The following SLC41A2 variants were observed in gnomAD, a reference collection of about 807,000 sequenced individuals.
SLC41A2 encodes SLC41A1-like 1.
A neutral mutation model predicts 58.3 loss-of-function variants in SLC41A2; 32 were observed. That is an observed-to-expected ratio of 0.55 (90% confidence interval 0.41 to 0.74). The LOEUF (loss-of-function observed/expected upper bound fraction) is 0.74, where lower values mean the gene tolerates loss of function less well. Among genes scored for constraint, SLC41A2 ranks in the 30% least tolerant of loss-of-function variants. SLC41A2 has a pLI of 0.00. For missense variants in SLC41A2, 514 were observed against 680.6 expected (o/e 0.76, Z 2.72); for synonymous variants, 190 against 235.0 (o/e 0.81, Z 1.75).
chr12:104,898,102 A>C (rs926347909), intron 3 of SLC41A2, among the ~76,000 whole-genome samples: 1 of 152,160 alleles, frequency 6.6e-6, no homozygotes, highest in African/African-American at 2.4e-5. Flanking sequence ...TATTTAAATT[A>C]TGTATATCTT....
Position 104,889,156 on chromosome 12 carries a change from A to G in SLC41A2, c.757T>C (p.Phe253Leu), listed in dbSNP as rs904761895. 6.2e-7 allele frequency: 1 copy of G among 1,607,736 alleles called. No individual in the cohort carries two copies. Among genetic ancestry groups the G allele is most frequent in the Admixed American group, 1.7e-5 (1 of 58,058 alleles). Residue 253 changes from phenylalanine (F) to leucine (L), a missense_variant, in exon 5 of 11, where the codon TTT (phenylalanine) becomes CTT (leucine). Transcript: ENST00000258538. ...ATAATTGCTGCCACAGCTGCTAGAA[A>G]ACCCACTACTGTTGCCTGAACCTAA... The part of the protein sequence containing the change: ...LKQVQATVVG[F>L]LAAVAAIILG...
chr12:104,840,677 T>C (rs2042379740), intron 10 of SLC41A2, among the ~76,000 whole-genome samples: 1 of 152,230 alleles, frequency 6.6e-6, no homozygotes, highest in Admixed American at 6.5e-5. Context: ...ATCTTCTGAC[T>C]GTGGTCCAGT....
chr12:104,805,129 T>C lies in SLC41A2; in HGVS notation c.*23A>G, dbSNP rs1469129621. ...GTCGTGTATTTTCTTCCTTGGTAAC[T>C]TGAGAGCAGTTTGTAGAATTTATTA... On this transcript the variant is annotated 3_prime_UTR_variant, in exon 11 of 11. Transcript: ENST00000258538. 2 of 1,574,612 alleles carry C rather than the reference T, an allele frequency of 1.3e-6. No individual in the cohort carries two copies.
In SLC41A2 at chr12:104,898,501, CCATT is replaced by C. The variant is rs576295311; in HGVS notation, c.664-3160_664-3157del. On this transcript the variant is annotated intron_variant, in intron 3 of 10. Transcript: ENST00000258538. Reference sequence around the variant, plus strand: ...CTTGAAACAAAGGTACTGAAAGTCTCCATTCATGCATTATTTTAAAAAACATGTA... The same window carrying C: ...CTTGAAACAAAGGTACTGAAAGTCTCCATGCATTATTTTAAAAAACATGTA... Among the ~76,000 whole-genome samples, 23 of 151,238 alleles carry C rather than the reference CCATT, an allele frequency of 1.5e-4. 1 individual carries two copies. The East Asian group carries it at 4.5e-3, about 29-fold the overall frequency.
chr12:104,835,190 G>A lies in SLC41A2; in HGVS notation c.1536+9282C>T, dbSNP rs1263259255. Among the ~76,000 whole-genome samples, 5 of 152,308 alleles carry A rather than the reference G, an allele frequency of 3.3e-5. No homozygotes were observed. In the East Asian group the frequency reaches 9.6e-4, roughly 29 times the overall value. ...CCCCTTTATACAGGTGGGAAACAGT[G>A]CCTGAGCAGTGACTGCCTAGCTGAT... On this transcript the variant is annotated intron_variant, in intron 10 of 10. Transcript: ENST00000258538.
chr12:104,920,503 A>C (rs1476744193), intron 2 of SLC41A2, among the ~76,000 whole-genome samples: 1 of 152,008 alleles, frequency 6.6e-6, no homozygotes, highest in Non-Finnish European at 1.5e-5. Context: ...GAAAGCTCTC[A>C]ACAGAATGGA....
At chr12:104,823,323 C>T (rs571205128) in intron 10 of SLC41A2, among the ~76,000 whole-genome samples, 1 of 152,184 alleles carries the variant, frequency 6.6e-6, no homozygotes, top group African/African-American at 2.4e-5. Flanking sequence ...GAGCTACCTA[C>T]AGAAGAGTTT....
chr12:104,913,803 G>A (rs983867907), intron 2 of SLC41A2, among the ~76,000 whole-genome samples: 4 of 152,136 alleles, frequency 2.6e-5, no homozygotes, highest in Non-Finnish European at 5.9e-5. Flanking sequence ...GTTGGGCAGC[G>A]GCTCACGCCT....
intron 4 of SLC41A2, among the ~76,000 whole-genome samples, chr12:104,894,225 G>A (rs948521003): frequency 7.2e-5 from 11 of 151,726 alleles, no homozygotes; most frequent in African/African-American, 1.7e-4. Flanking sequence ...GTGGTGGCGC[G>A]TACCTGTAGT....
intron 3 of SLC41A2, among the ~76,000 whole-genome samples, chr12:104,896,695 T>A (rs946075323): frequency 3.3e-5 from 5 of 152,156 alleles, no homozygotes; most frequent in Non-Finnish European, 7.4e-5. Context: ...TAGGAAAAGA[T>A]CAAGAAAGGT....
intron 2 of SLC41A2, among the ~76,000 whole-genome samples, chr12:104,926,864 T>C (rs1471082743): frequency 1.3e-5 from 2 of 152,114 alleles, no homozygotes; most frequent in African/African-American, 4.8e-5. Flanking sequence ...GGTGGGAGGA[T>C]TGCTTGAGCC....
At chr12:104,858,570 A>G (rs1050208030) in intron 8 of SLC41A2, among the ~76,000 whole-genome samples, 8 of 152,334 alleles carry the variant, frequency 5.3e-5, no homozygotes, top group African/African-American at 1.7e-4. Context: ...ATGAAATTCA[A>G]TTCTCAAAAG....
intron 1 of SLC41A2, among the ~76,000 whole-genome samples, chr12:104,952,934 T>A (rs977465569): frequency 1.3e-5 from 2 of 152,228 alleles, no homozygotes; most frequent in African/African-American, 4.8e-5. Flanking sequence ...CTGGCCCTCA[T>A]AGATAAGTTC....
intron 2 of SLC41A2, among the ~76,000 whole-genome samples, chr12:104,926,269 T>A (rs2046835592): frequency 6.6e-6 from 1 of 152,166 alleles, no homozygotes; most frequent in South Asian, 2.1e-4. Flanking sequence ...GAAAGATAAT[T>A]ATATAATAGG....
In SLC41A2 at chr12:104,804,085, G is replaced by A. The variant is rs2040803298; in HGVS notation, c.*1067C>T. On this transcript the variant is annotated 3_prime_UTR_variant, in exon 11 of 11. Transcript: ENST00000258538. ...TTGAATCCAGGAGGTGGAGGTAGCA[G>A]TGAGCCGAGATCACACCACTGCATT... The A allele has an allele frequency of 7.6e-6, 1 of 132,056 alleles. No homozygotes were observed. The highest frequency in any genetic ancestry group is 2.9e-5 in the African/African-American group (1 of 34,452). 8.2% of individuals were successfully genotyped at this position (132,056 alleles called of 1,614,324 possible).
intron 2 of SLC41A2, among the ~76,000 whole-genome samples, chr12:104,916,244 GTC>G (rs2046314409): frequency 6.6e-6 from 1 of 152,022 alleles, no homozygotes; most frequent in African/African-American, 2.4e-5. Context: ...TTTTGGTTGT[GTC>G]TCTGCCCGGC....
At chr12:104,915,391 TA>T (rs2046268517) in intron 2 of SLC41A2, among the ~76,000 whole-genome samples, 1 of 152,244 alleles carries the variant, frequency 6.6e-6, no homozygotes, top group African/African-American at 2.4e-5. Context: ...TGATTCTTCC[TA>T]CCCATGAGCA....
At chr12:104,941,478 C>T (rs539588238) in intron 1 of SLC41A2, among the ~76,000 whole-genome samples, 1 of 152,122 alleles carries the variant, frequency 6.6e-6, no homozygotes, top group Non-Finnish European at 1.5e-5. Flanking sequence ...CTCAGAATCA[C>T]AACCCTCAAC....
At chr12:104,836,354 T>A (rs1411510022) in intron 10 of SLC41A2, among the ~76,000 whole-genome samples, 3 of 152,248 alleles carry the variant, frequency 2.0e-5, no homozygotes, top group African/African-American at 7.2e-5. Flanking sequence ...TGGCTCATGA[T>A]AAATACTATA....
Sources: allele counts gnomAD v4.1 joint callset (sites outside exome capture counted in the v4.1 genomes callset), GRCh38; gene constraint gnomAD v4.1.1; transcripts MANE v1.5; gene names NCBI Gene and HGNC (gene_info 2026-07-23, HGNC 2026-07-21).